Variants in COL11A1 observed in about 807,000 individuals in gnomAD.
COL11A1 encodes the protein collagen alpha-1(XI) chain.
In COL11A1, 74 loss-of-function variants were observed where a neutral mutation model predicts 265.2. The ratio of observed to expected loss-of-function variants is 0.28; its 90% CI spans 0.23 to 0.34. The LOEUF (loss-of-function observed/expected upper bound fraction) is 0.34. COL11A1 is among the 10% of genes least tolerant of loss of function. The pLI, the probability that COL11A1 is intolerant of heterozygous loss-of-function variation, is 1.00. For synonymous variants in COL11A1, 816 were observed against 727.6 expected, an observed-to-expected ratio of 1.12 and a Z score of -1.96; for missense variants, 2,165 against 2,263.6, an observed-to-expected ratio of 0.96 and a Z score of 0.88.
In COL11A1 at chr1:102,905,235, A is replaced by AG. The variant is rs1289673167; in HGVS notation, c.4087-6242dup. Among the ~76,000 whole-genome samples the AG allele has an allele frequency of 1.5e-4, 12 of 82,562 alleles. 1 individual carries two copies. The highest frequency in any genetic ancestry group is 2.6e-4 in the Non-Finnish European group (12 of 45,342). 54.2% of individuals were successfully genotyped at this position (82,562 alleles called of 152,430 possible). A position where few individuals can be genotyped will look rare whatever the true frequency, so the allele number is the denominator to read the frequency against. On this transcript the variant is annotated intron_variant, in intron 54 of 66. Coordinates refer to ENST00000370096, the MANE Select transcript of COL11A1 (RefSeq NM_001854.4). The stretch of plus-strand genomic sequence containing the variant: ...CCAGGGACTGTTGTGGGGTGGGGGG[A>AG]GGGGGGAGGGATAGCATTAGGAGAT...
intron 1 of COL11A1, among the ~76,000 whole-genome samples, chr1:103,099,956 A>G (rs1223438951): frequency 1.3e-5 from 2 of 151,896 alleles, no homozygotes; most frequent in South Asian, 2.1e-4. Flanking sequence ...CTCAATTTTA[A>G]TCTTGTTCCA....
At position 103,070,224 on chromosome 1, in the gene COL11A1, T is replaced by C. The variant is rs1342370116; in HGVS notation, c.651+4394A>G. Reference sequence around the variant, plus strand: ...CTACTCAGCAAAATAATAATAATAATAATAATAATAATAATATTAAATACA... The same window carrying C: ...CTACTCAGCAAAATAATAATAATAACAATAATAATAATAATATTAAATACA... On this transcript the variant is annotated intron_variant, in intron 4 of 66. Transcript: ENST00000370096. 2.0e-5 allele frequency among the ~76,000 whole-genome samples: 3 copies of C among 148,246 alleles called. No individual in the cohort carries two copies. The East Asian group carries it at 5.9e-4, about 29-fold the overall frequency.
chr1:102,910,176 A>C (rs1654479055), intron 54 of COL11A1, among the ~76,000 whole-genome samples: 1 of 151,856 alleles, frequency 6.6e-6, no homozygotes, highest in Admixed American at 6.6e-5. Flanking sequence ...TGTTTGCATT[A>C]ATACTCTTTA....
intron 46 of COL11A1, among the ~76,000 whole-genome samples, chr1:102,933,723 T>A (rs1657810953): frequency 6.6e-6 from 1 of 152,084 alleles, no homozygotes; most frequent in Non-Finnish European, 1.5e-5. Flanking sequence ...CTCAGACTGC[T>A]GTGCTAGCAA....
At chr1:103,060,679 T>C (rs894191369) in intron 4 of COL11A1, among the ~76,000 whole-genome samples, 7 of 152,080 alleles carry the variant, frequency 4.6e-5, no homozygotes, top group African/African-American at 1.4e-4. Context: ...TTTAAAAACC[T>C]AGCCAGGTGA....
chr1:103,044,164 A>G (rs1421925898), intron 4 of COL11A1, among the ~76,000 whole-genome samples: 3 of 133,908 alleles, frequency 2.2e-5, no homozygotes, highest in Non-Finnish European at 4.8e-5. Context: ...AACTCTCACC[A>G]GTTTTTTTTT....
chr1:103,030,313 AAAG>A (rs1667875445), intron 5 of COL11A1, among the ~76,000 whole-genome samples: 1 of 152,108 alleles, frequency 6.6e-6, no homozygotes, highest in Admixed American at 6.5e-5. Flanking sequence ...CTTAAAAAGT[AAAG>A]TAGTGTCAAA....
intron 30 of COL11A1, among the ~76,000 whole-genome samples, chr1:102,985,275 A>G (rs1663426281): frequency 6.6e-6 from 1 of 152,108 alleles, no homozygotes; most frequent in South Asian, 2.1e-4. Context: ...GAAGCTTATA[A>G]ATAAAAATAA....
rs535393300 is a variant in COL11A1, at chr1:103,087,414, C to T, written c.107-4442G>A. 4.5e-4 allele frequency among the ~76,000 whole-genome samples: 68 copies of T among 152,322 alleles called. No homozygotes were observed. The South Asian group carries it at 7.7e-3, about 17-fold the overall frequency. On this transcript the variant is annotated intron_variant, in intron 1 of 66. Coordinates refer to ENST00000370096, the MANE Select transcript of COL11A1 (RefSeq NM_001854.4). The stretch of plus-strand genomic sequence containing the variant: ...GCTTCCAAAAATCCATGTCTCATGT[C>T]ACTCTGATGTTTAAATTCCTTCAAA...
In COL11A1 at chr1:103,001,988, T is replaced by G. The variant is rs1302107437; in HGVS notation, c.2098-19A>C. Reference sequence around the variant, plus strand: ...GAAGACCCTATTTTAAAAGAATTTATTTCATATATCAGATATCAAATCACA... The same window carrying G: ...GAAGACCCTATTTTAAAAGAATTTAGTTCATATATCAGATATCAAATCACA... On this transcript the variant is annotated intron_variant, in intron 23 of 66. Coordinates refer to ENST00000370096, the MANE Select transcript of COL11A1 (RefSeq NM_001854.4). 1 of 1,602,776 alleles carries G rather than the reference T, an allele frequency of 6.2e-7. No homozygotes were observed. Among genetic ancestry groups the G allele is most frequent in the Admixed American group, 1.7e-5 (1 of 59,930 alleles).
chr1:103,096,616 C>A (rs548229175), intron 1 of COL11A1, among the ~76,000 whole-genome samples: 81 of 152,048 alleles, frequency 5.3e-4, no homozygotes, highest in African/African-American at 1.9e-3. Flanking sequence ...TAGGAGTTGA[C>A]AGCCTACCAA....
In COL11A1 at chr1:102,929,987, T is replaced by C. The variant is rs1369961492; in HGVS notation, c.3600+4462A>G. 4.6e-5 allele frequency among the ~76,000 whole-genome samples: 7 copies of C among 152,296 alleles called. No individual in the cohort carries two copies. In the East Asian group the frequency reaches 1.4e-3, roughly 29 times the overall value. The stretch of plus-strand genomic sequence containing the variant: ...AGTTGCTTATCAGCTTAAGGAGATT[T>C]TGGGCTGAGACAATGGGGTTTTCTA... On this transcript the variant is annotated intron_variant, in intron 46 of 66. Coordinates refer to ENST00000370096, the MANE Select transcript of COL11A1 (RefSeq NM_001854.4).
chr1:103,022,966 C>G lies in COL11A1; in HGVS notation c.1021G>C (p.Glu341Gln), dbSNP rs144884147. 1.4e-3 allele frequency: 2,208 copies of G among 1,613,044 alleles called. 2 individuals are homozygous for G. Among genetic ancestry groups the G allele is most frequent in the Non-Finnish European group, 1.7e-3 (1,982 of 1,179,512 alleles). Residue 341 changes from glutamate (E) to glutamine (Q), a missense_variant, in exon 8 of 67, where the codon GAA becomes CAA. Transcript: ENST00000370096. ...PNPVEEIFTE[E>Q]YLTGEDYDSQ... ...TCATAATCCTCTCCCGTTAGATATT[C>G]TTCAGTAAATATTTCTTCAACTGGA...
intron 36 of COL11A1, among the ~76,000 whole-genome samples, chr1:102,971,964 C>G (rs560936826): frequency 1.3e-5 from 2 of 152,100 alleles, no homozygotes. Context: ...TACATACCCA[C>G]GTATCATTTA....
intron 24 of COL11A1, chr1:103,001,653 C>A: frequency 2.1e-6 from 1 of 472,710 alleles, no homozygotes; most frequent in South Asian, 5.2e-5. Flanking sequence ...AGAAAATATT[C>A]ACTCATACCG....
At chr1:102,935,769 T>C (rs1658073579) in intron 44 of COL11A1, among the ~76,000 whole-genome samples, 1 of 152,204 alleles carries the variant, frequency 6.6e-6, no homozygotes, top group Admixed American at 6.5e-5. Context: ...GTCATTGAAC[T>C]GTATTGTTCT....
At chr1:102,935,183 A>T (rs1235910776) in intron 44 of COL11A1, 70 bp from the exon 45 acceptor site, 4 of 1,288,360 alleles carry the variant, frequency 3.1e-6, no homozygotes, top group Non-Finnish European at 4.5e-6. Flanking sequence ...GAAACAGAAC[A>T]TTTAGCCTAC....
intron 1 of COL11A1, among the ~76,000 whole-genome samples, chr1:103,098,954 C>A (rs1209459955): frequency 1.3e-5 from 2 of 151,804 alleles, no homozygotes; most frequent in African/African-American, 4.8e-5. Flanking sequence ...GTTCAAGATA[C>A]TTCCATAGAC....
intron 63 of COL11A1, among the ~76,000 whole-genome samples, chr1:102,885,730 G>T (rs896720959): frequency 2.0e-5 from 3 of 151,952 alleles, no homozygotes; most frequent in Non-Finnish European, 4.4e-5. Context: ...ATATAACATT[G>T]AATTATCTAA....
Sources: gnomAD v4.1 joint callset for allele counts (sites outside exome capture counted in the v4.1 genomes callset) on GRCh38, gnomAD v4.1.1 for gene constraint, MANE v1.5 for transcripts, NCBI Gene and HGNC (gene_info 2026-07-23, HGNC 2026-07-21) for gene names.